The following TMLHE variants were observed in gnomAD, a reference collection of about 807,000 sequenced individuals.
The protein encoded by TMLHE is trimethyllysine dioxygenase, mitochondrial.
TMLHE carries 18 observed loss-of-function variants against 25.7 expected under a neutral mutation model. The observed-to-expected ratio is 0.70, with a 90% CI of 0.48 to 1.04. The LOEUF (loss-of-function observed/expected upper bound fraction) is 1.04. Ranked by LOEUF, TMLHE falls within the 50% of genes least tolerant of loss-of-function variation. The probability of loss-of-function intolerance (pLI) is 0.00; values close to 1 mark genes in which losing one functional copy is unlikely to be tolerated. For missense variants in TMLHE, 236 were observed against 259.0 expected (o/e 0.91, Z 0.61); for synonymous variants, 105 against 97.0 (o/e 1.08, Z -0.49).
chrX:155,585,064 T>C (rs1162058169), intron 1 of TMLHE, among the ~76,000 whole-genome samples: 2 of 110,534 alleles, frequency 1.8e-5, no homozygotes, highest in Non-Finnish European at 3.8e-5. Context: ...ACAAAAAATA[T>C]ACAAAACAAC....
chrX:155,514,034 G>C lies in TMLHE; in HGVS notation c.590C>G (p.Pro197Arg), dbSNP rs1557334292. 2 of 1,210,886 alleles carry C rather than the reference G, an allele frequency of 1.7e-6. No homozygotes were observed. Among genetic ancestry groups the C allele is most frequent in the South Asian group, 3.5e-5 (2 of 56,944 alleles). Reference protein sequence around the residue: ...YGIAFVENVPPTQEHTEKLAE... With the variant: ...YGIAFVENVPRTQEHTEKLAE... The stretch of plus-strand genomic sequence containing the variant: ...CAACTTCTCTGTGTGCTCTTGAGTG[G>C]GAGGGACATTTTCTACGAATGCAAT... Residue 197 changes from proline to arginine, a missense_variant, in exon 4 of 8, where the codon CCC (proline) becomes CGC (arginine). Physicochemically the swap from Pro to Arg is moderately radical, Grantham distance 103. This residue lies in a region of TMLHE where 217 missense variants were observed against 214.6 expected (regional missense o/e 1.01). Coordinates refer to ENST00000334398, the MANE Select transcript of TMLHE (RefSeq NM_018196.4).
rs1412091303 is a variant in TMLHE, at chrX:155,570,471, T to C, written c.-1-25194A>G. 5.4e-5 allele frequency among the ~76,000 whole-genome samples: 3 copies of C among 55,507 alleles called. 1 individual carries two copies. The highest frequency in any genetic ancestry group is 1.4e-4 in the Non-Finnish European group (3 of 21,565). The allele number at this position is 55,507 out of a possible 115,157, so 48.2% of individuals were successfully genotyped here. Reference sequence around the variant, plus strand: ...GATACCCAGGAATTGAACTCAGCTCTGCACCAAGCAGACCTAATAGACATC... The same window carrying C: ...GATACCCAGGAATTGAACTCAGCTCCGCACCAAGCAGACCTAATAGACATC... On this transcript the variant is annotated intron_variant, in intron 1 of 7. Coordinates refer to ENST00000334398, the MANE Select transcript of TMLHE (RefSeq NM_018196.4).
intron 1 of TMLHE, among the ~76,000 whole-genome samples, chrX:155,584,037 T>C (rs147361268): frequency 9.0e-6 from 1 of 110,542 alleles, no homozygotes; most frequent in African/African-American, 3.3e-5. Flanking sequence ...AAATCCCAGA[T>C]AACAAATTGA....
At chrX:155,526,316 G>A (rs886177232) in intron 2 of TMLHE, among the ~76,000 whole-genome samples, 15 of 112,916 alleles carry the variant, frequency 1.3e-4, no homozygotes, top group Non-Finnish European at 2.8e-4. Flanking sequence ...GAACAGCTTG[G>A]GCCATTGCTT....
rs1457850392 is a variant in TMLHE at position 155,562,742 on chromosome X, GT to G, written c.-1-17466del. Among the ~76,000 whole-genome samples, 2 of 62,042 alleles carry G rather than the reference GT, an allele frequency of 3.2e-5. 1 individual carries two copies. Among genetic ancestry groups the G allele is most frequent in the Non-Finnish European group, 9.0e-5 (2 of 22,123 alleles). 53.9% of individuals were successfully genotyped at this position (62,042 alleles called of 115,157 possible). ...ACACTATGCTGTTAGGAACAGCCAGGTTACTTCTTGAACACTTTGCTGCTTA... is the reference window on the plus strand; with the variant it reads ...ACACTATGCTGTTAGGAACAGCCAGGTACTTCTTGAACACTTTGCTGCTTA... On this transcript the variant is annotated intron_variant, in intron 1 of 7. Transcript: ENST00000334398.
At chrX:155,557,192 G>A (rs2067463300) in intron 1 of TMLHE, among the ~76,000 whole-genome samples, 1 of 112,163 alleles carries the variant, frequency 8.9e-6, no homozygotes, top group Admixed American at 9.4e-5. Context: ...ACAGGCCTAG[G>A]AAATCACAAG....
intron 1 of TMLHE, among the ~76,000 whole-genome samples, chrX:155,610,649 C>T (rs1167016859): frequency 2.5e-4 from 28 of 110,358 alleles, no homozygotes; most frequent in Admixed American, 2.2e-3. Flanking sequence ...GTCATGCAAC[C>T]ATTTGGTCTT....
At chrX:155,600,289 G>A (rs1557347077) in intron 1 of TMLHE, among the ~76,000 whole-genome samples, 1 of 111,382 alleles carries the variant, frequency 9.0e-6, no homozygotes, top group Non-Finnish European at 1.9e-5. Context: ...GCTACTTCAG[G>A]TAGTCATGTT....
At chrX:155,551,880 G>A (rs1232344010) in intron 1 of TMLHE, among the ~76,000 whole-genome samples, 3 of 110,076 alleles carry the variant, frequency 2.7e-5, no homozygotes, top group Admixed American at 9.6e-5. Flanking sequence ...GCGTGTTTTA[G>A]ATGGTTTTGT....
chrX:155,548,680 A>G (rs2067385377), intron 1 of TMLHE, among the ~76,000 whole-genome samples: 1 of 108,527 alleles, frequency 9.2e-6, no homozygotes, highest in Non-Finnish European at 1.9e-5. Flanking sequence ...GGTTGCAGTG[A>G]GCTGAGATTG....
chrX:155,555,377 C>A (rs1213162953), intron 1 of TMLHE, among the ~76,000 whole-genome samples: 1 of 110,038 alleles, frequency 9.1e-6, no homozygotes, highest in African/African-American at 3.3e-5. Flanking sequence ...ATTTATAATC[C>A]TTTGGGTATA....
intron 4 of TMLHE, 60 bp from the exon 5 acceptor site, chrX:155,511,852 A>C (rs1361033985): frequency 1.4e-5 from 15 of 1,075,303 alleles, no homozygotes; most frequent in Non-Finnish European, 1.9e-5. Flanking sequence ...CTTGTCTTTC[A>C]AAACTCCTTC....
intron 1 of TMLHE, among the ~76,000 whole-genome samples, chrX:155,547,479 T>G (rs1464358116): frequency 9.0e-6 from 1 of 111,442 alleles, no homozygotes; most frequent in Non-Finnish European, 1.9e-5. Flanking sequence ...GATACAAACA[T>G]AAATAAATCA....
chrX:155,523,385 A>G (rs181997875), intron 3 of TMLHE, among the ~76,000 whole-genome samples: 223 of 110,184 alleles, frequency 2.0e-3, no homozygotes, highest in African/African-American at 7.0e-3. Context: ...TTATTTTTTC[A>G]TTATGGATGT....
At chrX:155,577,558 C>T (rs2067598575) in intron 1 of TMLHE, among the ~76,000 whole-genome samples, 2 of 101,522 alleles carry the variant, frequency 2.0e-5, no homozygotes, top group South Asian at 4.5e-4. Context: ...CCAACCTGGG[C>T]AACAAAGCGA....
intron 1 of TMLHE, among the ~76,000 whole-genome samples, chrX:155,581,618 A>G (rs368200308): frequency 2.7e-5 from 3 of 111,586 alleles, no homozygotes; most frequent in African/African-American, 9.8e-5. Flanking sequence ...ACTTACAAGG[A>G]ATATGAAGGA....
At chrX:155,547,303 C>G (rs781884662) in intron 1 of TMLHE, among the ~76,000 whole-genome samples, 2 of 98,338 alleles carry the variant, frequency 2.0e-5, no homozygotes, top group Non-Finnish European at 4.2e-5. Flanking sequence ...TGCCACCACG[C>G]CCGGCTAATT....
intron 1 of TMLHE, among the ~76,000 whole-genome samples, chrX:155,592,245 T>G (rs2067697657): frequency 8.9e-6 from 1 of 111,758 alleles, no homozygotes; most frequent in South Asian, 3.8e-4. Context: ...AATTTCAATT[T>G]GACAGGAGAA....
At chrX:155,547,236 C>T (rs1459820889) in intron 1 of TMLHE, among the ~76,000 whole-genome samples, 1 of 92,547 alleles carries the variant, frequency 1.1e-5, no homozygotes, top group Non-Finnish European at 2.2e-5. Flanking sequence ...GCTCCGCCTC[C>T]CGGGTTCACG....
Sources: gnomAD v4.1 joint callset for allele counts (sites outside exome capture counted in the v4.1 genomes callset) on GRCh38, gnomAD v4.1.1 for gene constraint, gnomAD v4.1.1 regional missense constraint, MANE v1.5 for transcripts, NCBI Gene and HGNC (gene_info 2026-07-23, HGNC 2026-07-21) for gene names.